ANTXR1: variants seen among roughly 807,000 people sequenced by gnomAD.
The protein encoded by ANTXR1 is ANTXR cell adhesion molecule 1, also known as anthrax toxin receptor 1.
Under a neutral mutation model 78.1 loss-of-function variants are expected in ANTXR1, and 19 were observed. That is an observed-to-expected ratio of 0.24 (90% CI 0.17 to 0.36). The LOEUF is 0.36. Among genes scored for constraint, ANTXR1 ranks in the 10% least tolerant of loss-of-function variants. The pLI, the probability that ANTXR1 is intolerant of heterozygous loss-of-function variation, is 1.00. For missense variants in ANTXR1, 518 were observed against 718.6 expected (o/e 0.72, Z 3.19); for synonymous variants, 273 against 260.5 (o/e 1.05, Z -0.46).
At chr2:69,173,067 G>A (rs6546483) in intron 14 of ANTXR1, among the ~76,000 whole-genome samples, 9,420 of 152,056 alleles carry the variant, frequency 0.062, 977 homozygotes, top group African/African-American at 0.21. Context: ...AGCCTCATTC[G>A]CCTGCAAAAA....
In ANTXR1 at chr2:69,201,636, G is replaced by A. The variant is rs150093772; in HGVS notation, c.1434+8221G>A. 1.2e-3 allele frequency among the ~76,000 whole-genome samples: 187 copies of A among 152,292 alleles called. No individual in the cohort carries two copies. The Middle Eastern group carries it at 0.024, about 19-fold the overall frequency. On this transcript the variant is annotated intron_variant, in intron 17 of 17. Coordinates refer to ENST00000303714, the MANE Select transcript of ANTXR1 (RefSeq NM_032208.3). ...AGTGGTGGGCAAGGAAGACAGCTTG[G>A]ATTCACAAGATATTGAGCAAATAAT...
chr2:69,145,282 C>T, intron 12 of ANTXR1: 2 of 1,548,082 alleles, frequency 1.3e-6, no homozygotes, highest in South Asian at 1.2e-5. Flanking sequence ...GGGGAGTAGC[C>T]CTTATAATTT....
At chr2:69,087,148 G>A (rs1671079371) in intron 8 of ANTXR1, among the ~76,000 whole-genome samples, 1 of 152,140 alleles carries the variant, frequency 6.6e-6, no homozygotes, top group Non-Finnish European at 1.5e-5. Flanking sequence ...GTAAGTGATG[G>A]GACTTGGATT....
intron 13 of ANTXR1, among the ~76,000 whole-genome samples, chr2:69,163,887 G>C (rs1272156257): frequency 6.6e-6 from 1 of 152,158 alleles, no homozygotes; most frequent in East Asian, 1.9e-4. Flanking sequence ...AATGTTATAT[G>C]AAGTTGACTA....
At chr2:69,088,516 G>C (rs1671126946) in intron 8 of ANTXR1, among the ~76,000 whole-genome samples, 1 of 152,164 alleles carries the variant, frequency 6.6e-6, no homozygotes. Context: ...AATGTGGGCT[G>C]TCTGGAGACT....
chr2:69,190,505 C>T (rs1298997818), intron 16 of ANTXR1, among the ~76,000 whole-genome samples: 1 of 152,176 alleles, frequency 6.6e-6, no homozygotes, highest in African/African-American at 2.4e-5. Flanking sequence ...TCATAGGTAA[C>T]ATTTAATGAA....
At chr2:69,166,052 C>T (rs1209348406) in intron 13 of ANTXR1, among the ~76,000 whole-genome samples, 2 of 152,158 alleles carry the variant, frequency 1.3e-5, no homozygotes, top group South Asian at 2.1e-4. Context: ...TGAGAACACG[C>T]AATCTTTCTA....
Position 69,013,456 on chromosome 2 carries a change from G to A in ANTXR1, c.-44G>A. The stretch of plus-strand genomic sequence containing the variant: ...CCCTGAGGGTCGTGGCGAGTTCGCG[G>A]AGCGTGGGAAGGAGCGGACCCTGCT... On this transcript the variant is annotated 5_prime_UTR_variant, in exon 1 of 18. Coordinates refer to ENST00000303714, the MANE Select transcript of ANTXR1 (RefSeq NM_032208.3). This position sits in a 1 kb window ranked among gnomAD's most constrained non-coding sequence, Gnocchi z 5.0. 1 of 1,577,968 alleles carries A rather than the reference G, an allele frequency of 6.3e-7. No homozygotes were observed. Among genetic ancestry groups the A allele is most frequent in the Non-Finnish European group, 8.6e-7 (1 of 1,164,108 alleles).
At chr2:69,202,832 C>A (rs1248735621) in intron 17 of ANTXR1, among the ~76,000 whole-genome samples, 3 of 152,144 alleles carry the variant, frequency 2.0e-5, no homozygotes, top group African/African-American at 2.4e-5. Context: ...TCTCCACATT[C>A]CAGAGTGAAT....
intron 12 of ANTXR1, among the ~76,000 whole-genome samples, chr2:69,133,472 C>G (rs982883956): frequency 2.0e-5 from 3 of 152,126 alleles, no homozygotes; most frequent in Non-Finnish European, 4.4e-5. Flanking sequence ...TGGAGACTCA[C>G]CTTGAAGAGG....
At chr2:69,051,589 A>G (rs1379786202) in intron 3 of ANTXR1, among the ~76,000 whole-genome samples, 1 of 152,068 alleles carries the variant, frequency 6.6e-6, no homozygotes, top group African/African-American at 2.4e-5. Context: ...GTGGACTACT[A>G]CATGATCAAA....
chr2:69,023,516 A>AGATGAT (rs893213627), intron 1 of ANTXR1, among the ~76,000 whole-genome samples: 8 of 83,750 alleles, frequency 9.6e-5, no homozygotes, highest in Non-Finnish European at 1.4e-4. Context: ...GTGGAGGTGG[A>AGATGAT]GATGATGATG....
Position 69,182,654 on chromosome 2 carries a change from A to G in ANTXR1, c.1347A>G (p.Pro449=), listed in dbSNP as rs780251923. 1.2e-6 allele frequency: 2 copies of G among 1,614,182 alleles called. No individual in the cohort carries two copies. The highest frequency in any genetic ancestry group is 8.5e-7 in the Non-Finnish European group (1 of 1,180,036). Residue 449 remains proline, a synonymous_variant, in exon 16 of 18, where the codon CCA becomes CCG. Transcript: ENST00000303714. ...RPSSPRKWYS[P]IKGKLDALWV... ...CTTCCCCCCGGAAGTGGTACTCTCC[A>G]ATCAAGGTGTGTCTCTTTACTCAAA...
At chr2:69,124,514 T>C (rs1325999398) in intron 11 of ANTXR1, 51 bp from the exon 12 acceptor site, 1 of 1,526,470 alleles carries the variant, frequency 6.6e-7, no homozygotes, top group South Asian at 1.1e-5. Context: ...TCTCAGCCTG[T>C]TGCTCATTGC....
chr2:69,098,490 T>G (rs906929838), intron 9 of ANTXR1, among the ~76,000 whole-genome samples: 1 of 152,240 alleles, frequency 6.6e-6, no homozygotes, highest in African/African-American at 2.4e-5. Context: ...TGTCTCATTT[T>G]CAGACACAGT....
chr2:69,183,587 T>TTG (rs1553373483), intron 16 of ANTXR1, among the ~76,000 whole-genome samples: 3,464 of 140,456 alleles, frequency 0.025, 107 homozygotes, highest in African/African-American at 0.093. Flanking sequence ...TTTTTTTTTT[T>TTG]TTTTTTTTTT....
intron 17 of ANTXR1, among the ~76,000 whole-genome samples, chr2:69,213,873 G>A (rs1269319079): frequency 6.6e-6 from 1 of 152,284 alleles, no homozygotes; most frequent in African/African-American, 2.4e-5. Context: ...CAAGTCGCAA[G>A]TGGATGACCA....
chr2:69,216,383 A>G (rs1675175468), intron 17 of ANTXR1, among the ~76,000 whole-genome samples: 1 of 152,204 alleles, frequency 6.6e-6, no homozygotes, highest in Non-Finnish European at 1.5e-5. Flanking sequence ...GCACATACAC[A>G]TACATATCTA....
chr2:69,198,850 G>A (rs1674714862), intron 17 of ANTXR1, among the ~76,000 whole-genome samples: 2 of 152,038 alleles, frequency 1.3e-5, no homozygotes, highest in South Asian at 4.1e-4. Context: ...GGAAGCTATG[G>A]GCCATATGTT....
Sources: allele counts gnomAD v4.1 joint callset (sites outside exome capture counted in the v4.1 genomes callset), GRCh38; gene constraint gnomAD v4.1.1; non-coding constraint Gnocchi (gnomAD v3.1); transcripts MANE v1.5; gene names NCBI Gene and HGNC (gene_info 2026-07-23, HGNC 2026-07-21).